Variants in COL23A1 observed in about 807,000 individuals in gnomAD.
The protein encoded by COL23A1 is collagen type XXIII alpha 1 chain, also known as collagen alpha-1(XXIII) chain.
A neutral mutation model predicts 99.3 loss-of-function variants in COL23A1; 97 were observed. That is an observed-to-expected ratio of 0.98 (90% CI 0.83 to 1.16). COL23A1 has a LOEUF of 1.16. Among genes scored for constraint, COL23A1 ranks in the 50% most tolerant of loss-of-function variants. The probability of loss-of-function intolerance (pLI) is 0.00; values close to 1 mark genes in which losing one functional copy is unlikely to be tolerated. For missense variants in COL23A1, 762 were observed against 757.4 expected (o/e 1.01, Z -0.07); for synonymous variants, 320 against 308.2 (o/e 1.04, Z -0.40).
At chr5:178,327,470 T>C (rs1337169379) in intron 2 of COL23A1, among the ~76,000 whole-genome samples, 4 of 152,232 alleles carry the variant, frequency 2.6e-5, no homozygotes, top group Admixed American at 6.5e-5. Flanking sequence ...TCAGACTTCA[T>C]GGCCACTCCA....
rs193058973 is a variant in COL23A1 at position 178,573,387 on chromosome 5, G to A, written c.295-12639C>T. The stretch of plus-strand genomic sequence containing the variant: ...CATGGCAAAGGCCAATTGTGAGAGC[G>A]TCTGGCCCGGCCACCGCACTTGGCA... On this transcript the variant is annotated intron_variant, in intron 1 of 28. Coordinates refer to ENST00000390654, the MANE Select transcript of COL23A1 (RefSeq NM_173465.4). Among the ~76,000 whole-genome samples the A allele has an allele frequency of 2.7e-3, 405 of 152,328 alleles. 4 individuals are homozygous for A. Among genetic ancestry groups the A allele is most frequent in the African/African-American group, 8.9e-3 (371 of 41,572 alleles).
chr5:178,438,735 G>C (rs1019002618), intron 2 of COL23A1: 2 of 152,132 alleles, frequency 1.3e-5, no homozygotes, highest in African/African-American at 4.8e-5. Context: ...AGATTTCTGG[G>C]TCTACTTATA....
rs926299865 is a variant in COL23A1 at position 178,384,002 on chromosome 5, G to A, written c.362-77083C>T. Among the ~76,000 whole-genome samples, 1 of 152,144 alleles carries A rather than the reference G, an allele frequency of 6.6e-6. No individual in the cohort carries two copies. Among genetic ancestry groups the A allele is most frequent in the Admixed American group, 6.5e-5 (1 of 15,278 alleles). ...CCATCCTGTTAGCAAACGAGGCCAC[G>A]CTGTGTGACACGGGGGCCCAGGACT... is the stretch of plus-strand genomic sequence containing the variant. On this transcript the variant is annotated intron_variant, in intron 2 of 28. Transcript: ENST00000390654. The surrounding 1 kb of genome is among the most constrained non-coding windows in gnomAD (Gnocchi z 5.5).
chr5:178,491,277 C>G (rs113300014), intron 2 of COL23A1, among the ~76,000 whole-genome samples: 2 of 152,118 alleles, frequency 1.3e-5, no homozygotes, highest in Middle Eastern at 3.2e-3. Context: ...CTTCTCCAGC[C>G]TCTCCTAATT....
chr5:178,251,121 C>T lies in COL23A1; in HGVS notation c.1015-1016G>A, dbSNP rs1765012527. On this transcript the variant is annotated intron_variant, in intron 17 of 28. Coordinates refer to ENST00000390654, the MANE Select transcript of COL23A1 (RefSeq NM_173465.4). The stretch of plus-strand genomic sequence containing the variant: ...CACTACAAGCTCCGCCTGCTGGTTT[C>T]AAACAATTCTTCTGCCTCAGCCTCC... 2.0e-5 allele frequency among the ~76,000 whole-genome samples: 3 copies of T among 148,126 alleles called. No homozygotes were observed. The Admixed American group carries it at 2.0e-4, about 10-fold the overall frequency.
intron 2 of COL23A1, among the ~76,000 whole-genome samples, chr5:178,446,892 C>G (rs999738924): frequency 6.6e-6 from 1 of 152,006 alleles, no homozygotes; most frequent in Non-Finnish European, 1.5e-5. Context: ...TTAGGAAAAG[C>G]CTTAACAGGT....
At chr5:178,273,920 C>T (rs992798817) in intron 5 of COL23A1, among the ~76,000 whole-genome samples, 1 of 152,174 alleles carries the variant, frequency 6.6e-6, no homozygotes, top group African/African-American at 2.4e-5. Context: ...TTGGGCCAGC[C>T]CTCTGGGCCG....
rs545995160 is a variant in COL23A1 at position 178,242,487 on chromosome 5, C to T, written c.1441-93G>A. Reference sequence around the variant, plus strand: ...TCTCTGTTCCTCTCCCATCCACACGCCCACTTTCCCCCCTGCATATTCGTG... The same window carrying T: ...TCTCTGTTCCTCTCCCATCCACACGTCCACTTTCCCCCCTGCATATTCGTG... On this transcript the variant is annotated intron_variant, in intron 25 of 28. Transcript: ENST00000390654. 334 of 1,251,780 alleles carry T rather than the reference C, an allele frequency of 2.7e-4. 2 individuals carry two copies. Among genetic ancestry groups the T allele is most frequent in the Middle Eastern group, 1.5e-3 (8 of 5,410 alleles). 77.5% of individuals were successfully genotyped at this position (1,251,780 alleles called of 1,614,324 possible).
chr5:178,464,150 C>T lies in COL23A1; in HGVS notation c.361+96532G>A, dbSNP rs1366226446. On this transcript the variant is annotated intron_variant, in intron 2 of 28. Coordinates refer to ENST00000390654, the MANE Select transcript of COL23A1 (RefSeq NM_173465.4). ...CCGCGATACCTTGTGGCCATCACCA[C>T]GTCGACTGCCAGAGCTCTTTCATCT... Among the ~76,000 whole-genome samples, 10 of 152,226 alleles carry T rather than the reference C, an allele frequency of 6.6e-5. 1 individual carries two copies. Among genetic ancestry groups the T allele is most frequent in the South Asian group, 4.1e-4 (2 of 4,834 alleles).
intron 2 of COL23A1, among the ~76,000 whole-genome samples, chr5:178,553,290 C>T (rs902614243): frequency 1.3e-5 from 2 of 152,144 alleles, no homozygotes; most frequent in African/African-American, 4.8e-5. Context: ...CACTTCTGTT[C>T]CGCTCTGTGA....
intron 2 of COL23A1, among the ~76,000 whole-genome samples, chr5:178,486,457 G>A (rs1249580560): frequency 6.6e-6 from 1 of 152,184 alleles, no homozygotes; most frequent in Non-Finnish European, 1.5e-5. Flanking sequence ...ACCACGTGTA[G>A]AAAGCAAAAC....
At chr5:178,586,871 A>C (rs955077192) in intron 1 of COL23A1, among the ~76,000 whole-genome samples, 1 of 152,222 alleles carries the variant, frequency 6.6e-6, no homozygotes, top group African/African-American at 2.4e-5. Context: ...CTGGGTTGAC[A>C]GTATTTAACC....
intron 2 of COL23A1, among the ~76,000 whole-genome samples, chr5:178,332,564 T>C (rs1202319009): frequency 6.6e-6 from 1 of 152,202 alleles, no homozygotes; most frequent in African/African-American, 2.4e-5. Flanking sequence ...AACTCCTTCA[T>C]GACTCCCTGG....
chr5:178,332,471 T>G (rs1380680394), intron 2 of COL23A1, among the ~76,000 whole-genome samples: 1 of 152,152 alleles, frequency 6.6e-6, no homozygotes, highest in African/African-American at 2.4e-5. Context: ...TCTGGACCCC[T>G]GAATAACCTC....
At position 178,255,184 on chromosome 5, in the gene COL23A1, G is replaced by C. The variant is rs75492078; in HGVS notation, c.883-158C>G. 0.018 allele frequency among the ~76,000 whole-genome samples: 2,773 copies of C among 152,040 alleles called. 95 individuals are homozygous for C. The highest frequency in any genetic ancestry group is 0.062 in the African/African-American group (2,553 of 41,474). ...CCTCCCCAGGGTGGATGGAGGGAAC[G>C]GGAGGCAGGCCCTGTGGCCAGCTGA... On this transcript the variant is annotated intron_variant, in intron 15 of 28. Coordinates refer to ENST00000390654, the MANE Select transcript of COL23A1 (RefSeq NM_173465.4). The surrounding 1 kb of genome is among the most constrained non-coding windows in gnomAD (Gnocchi z 4.2).
intron 3 of COL23A1, among the ~76,000 whole-genome samples, chr5:178,299,657 C>G (rs1446935652): frequency 6.6e-6 from 1 of 151,738 alleles, no homozygotes; most frequent in Non-Finnish European, 1.5e-5. Context: ...TCTTTCTACC[C>G]TGATTTTATG....
intron 4 of COL23A1, among the ~76,000 whole-genome samples, chr5:178,289,201 G>C (rs925523385): frequency 6.6e-6 from 1 of 152,040 alleles, no homozygotes; most frequent in South Asian, 2.1e-4. Context: ...CATGGTACAC[G>C]GAAGTAAAAA....
chr5:178,300,390 A>G (rs1410025607), intron 3 of COL23A1, among the ~76,000 whole-genome samples: 3 of 151,984 alleles, frequency 2.0e-5, no homozygotes, highest in African/African-American at 7.2e-5. Flanking sequence ...TAGTTTTGCC[A>G]GGTATAGATT....
intron 2 of COL23A1, among the ~76,000 whole-genome samples, chr5:178,547,249 C>T (rs558918536): frequency 6.6e-6 from 1 of 152,058 alleles, no homozygotes; most frequent in African/African-American, 2.4e-5. Context: ...CAATCATCAG[C>T]CCCTGGGGCA....
Sources: gnomAD v4.1 joint callset for allele counts (sites outside exome capture counted in the v4.1 genomes callset) on GRCh38, gnomAD v4.1.1 for gene constraint, Gnocchi (gnomAD v3.1) non-coding constraint, MANE v1.5 for transcripts, NCBI Gene and HGNC (gene_info 2026-07-23, HGNC 2026-07-21) for gene names.